The following ZFHX3 variants were observed in gnomAD, a reference collection of about 807,000 sequenced individuals.
ZFHX3 encodes the protein zinc finger homeobox protein 3.
A neutral mutation model predicts 279.1 loss-of-function variants in ZFHX3; 42 were observed. That is an observed-to-expected ratio of 0.15 (90% CI 0.12 to 0.19). ZFHX3 has a LOEUF of 0.19. Ranked by LOEUF, ZFHX3 falls within the 10% of genes least tolerant of loss-of-function variation. The pLI is 1.00. For synonymous variants in ZFHX3, 2,293 were observed against 1,957.8 expected (o/e 1.17, Z -4.52); for missense variants, 4,981 against 4,754.0 (o/e 1.05, Z -1.40).
chr16:72,846,826 G>A (rs988880402), intron 4 of ZFHX3, among the ~76,000 whole-genome samples: 2 of 152,190 alleles, frequency 1.3e-5, no homozygotes, highest in Non-Finnish European at 2.9e-5. Context: ...AGGGGTGGGG[G>A]TAGAGCTGGC....
chr16:72,935,283 G>A (rs577030474), intron 3 of ZFHX3, among the ~76,000 whole-genome samples: 1 of 152,248 alleles, frequency 6.6e-6, no homozygotes, highest in South Asian at 2.1e-4. Context: ...CAAAAATGTG[G>A]TTCTCAGGGC....
At chr16:73,109,198 G>T (rs912483306) in intron 7 of ZFHX3, among the ~76,000 whole-genome samples, 1 of 152,226 alleles carries the variant, frequency 6.6e-6, no homozygotes, top group Admixed American at 6.5e-5. Context: ...TCAAATGTGA[G>T]TGAGTGAATG....
At chr16:72,829,656 T>C in intron 5 of ZFHX3, 123 bp downstream of exon 5, 1 of 1,036,152 alleles carries the variant, frequency 9.7e-7, no homozygotes, top group Non-Finnish European at 1.4e-6. Context: ...ATCCTTTTTC[T>C]GGGCAGACTA....
At chr16:73,094,248 T>C (rs1966129582) in intron 7 of ZFHX3, among the ~76,000 whole-genome samples, 1 of 152,156 alleles carries the variant, frequency 6.6e-6, no homozygotes, top group African/African-American at 2.4e-5. Flanking sequence ...TTCCTGGAAG[T>C]TCACCCAATT....
intron 2 of ZFHX3, among the ~76,000 whole-genome samples, chr16:73,488,373 G>A (rs1444082055): frequency 1.3e-5 from 2 of 152,148 alleles, no homozygotes; most frequent in South Asian, 2.1e-4. Flanking sequence ...GGGTGGGGTA[G>A]GGGTAAAGGA....
At chr16:73,649,614 G>A (rs1032652443) in intron 2 of ZFHX3, among the ~76,000 whole-genome samples, 1 of 152,068 alleles carries the variant, frequency 6.6e-6, no homozygotes, top group African/African-American at 2.4e-5. Flanking sequence ...ACTCGTTTTT[G>A]TTCTACCTAT....
rs1222178171 is a variant in ZFHX3, at chr16:73,386,206, C to CTCTCTCTCTT, written c.-1290-67880_-1290-67871dup. 5.2e-5 allele frequency among the ~76,000 whole-genome samples: 6 copies of CTCTCTCTCTT among 115,696 alleles called. No homozygotes were observed. The South Asian group carries it at 9.3e-4, about 18-fold the overall frequency. 75.9% of individuals were successfully genotyped at this position (115,696 alleles called of 152,430 possible). A position where few individuals can be genotyped will look rare whatever the true frequency, so the allele number is the denominator to read the frequency against. ...TTTCTCTCCCACCGTCTCTGTCTCTCTCTCTCTCTTTCTCTCTCTGTTTAA... is the reference window on the plus strand; with the variant it reads ...TTTCTCTCCCACCGTCTCTGTCTCTCTCTCTCTCTTTCTCTCTCTTTCTCTCTCTGTTTAA... On this transcript the variant is annotated intron_variant, in intron 3 of 17. Transcript: ENST00000641206.
At chr16:73,192,632 T>C (rs992417432) in intron 5 of ZFHX3, among the ~76,000 whole-genome samples, 8 of 152,228 alleles carry the variant, frequency 5.3e-5, no homozygotes, top group Admixed American at 5.2e-4. Flanking sequence ...TCCTCTGTGC[T>C]AGGTCCAAGT....
rs183240942 is a variant in ZFHX3, at chr16:73,844,840, G to A, written c.-1608+46811C>T. Among the ~76,000 whole-genome samples, 143 of 147,950 alleles carry A rather than the reference G, an allele frequency of 9.7e-4. 1 individual carries two copies. In the South Asian group the frequency reaches 0.014, roughly 15 times the overall value. On this transcript the variant is annotated intron_variant, in intron 1 of 17. Transcript: ENST00000641206. ...TAGACAGATGGTAGACGGATGGATG[G>A]GATTGATAGATGGATAGGTAGGTAG...
chr16:73,130,853 C>T, intron 7 of ZFHX3: 3 of 861,290 alleles, frequency 3.5e-6, no homozygotes, highest in South Asian at 3.9e-5. Context: ...GGTGATCCAC[C>T]TGCCTCGGCC....
At chr16:73,412,442 T>C (rs551904274) in intron 3 of ZFHX3, among the ~76,000 whole-genome samples, 100 of 152,202 alleles carry the variant, frequency 6.6e-4, no homozygotes, top group African/African-American at 2.4e-3. Flanking sequence ...GACCAGACCC[T>C]TGCTCAGTTT....
chr16:73,843,432 C>T (rs1273846124), intron 1 of ZFHX3, among the ~76,000 whole-genome samples: 3 of 152,180 alleles, frequency 2.0e-5, no homozygotes, highest in Non-Finnish European at 4.4e-5. Flanking sequence ...AAGCCTTTGC[C>T]ACTGAGGAAA....
chr16:73,082,860 A>G (rs1451786179), intron 8 of ZFHX3, among the ~76,000 whole-genome samples: 3 of 152,082 alleles, frequency 2.0e-5, no homozygotes, highest in Admixed American at 6.6e-5. Context: ...ATGGCCAAAG[A>G]GACACAGGAA....
intron 2 of ZFHX3, among the ~76,000 whole-genome samples, chr16:73,512,835 T>G (rs561916937): frequency 1.3e-5 from 2 of 152,342 alleles, no homozygotes; most frequent in African/African-American, 4.8e-5. Context: ...TGAAACCCAC[T>G]ACCTGACTAT....
At chr16:73,478,312 T>G (rs558583022) in intron 2 of ZFHX3, among the ~76,000 whole-genome samples, 15 of 147,572 alleles carry the variant, frequency 1.0e-4, no homozygotes, top group Non-Finnish European at 1.5e-4. Flanking sequence ...AAAAGCCATA[T>G]GACATGCCTG....
chr16:73,584,225 AG>A (rs2051894552), intron 2 of ZFHX3, among the ~76,000 whole-genome samples: 1 of 152,216 alleles, frequency 6.6e-6, no homozygotes, highest in Non-Finnish European at 1.5e-5. Context: ...AGAAAGAAAG[AG>A]AATGAGGCAG....
rs533261022 is a variant in ZFHX3 at position 72,806,701 on chromosome 16, C to T, written c.3864+4876G>A. On this transcript the variant is annotated intron_variant, in intron 7 of 9. Coordinates refer to ENST00000268489, the MANE Select transcript of ZFHX3 (RefSeq NM_006885.4). ...AAGCATAGAGAGTCACAGACGCTGA[C>T]GGAAAAAAATCACAAGGTTACAAAC... 1.8e-4 allele frequency among the ~76,000 whole-genome samples: 27 copies of T among 151,816 alleles called. No individual in the cohort carries two copies. The South Asian group carries it at 4.6e-3, about 26-fold the overall frequency.
At chr16:73,557,578 C>T (rs932696570) in intron 2 of ZFHX3, among the ~76,000 whole-genome samples, 1 of 152,160 alleles carries the variant, frequency 6.6e-6, no homozygotes, top group Non-Finnish European at 1.5e-5. Flanking sequence ...TATAGGGTAA[C>T]TTCCTGACAT....
chr16:73,739,952 G>C (rs899631779), intron 1 of ZFHX3, among the ~76,000 whole-genome samples: 2 of 152,100 alleles, frequency 1.3e-5, no homozygotes, highest in Non-Finnish European at 2.9e-5. Flanking sequence ...CCAGCCAACT[G>C]TGTGCACTTG....
Sources: gnomAD v4.1 joint callset for allele counts (sites outside exome capture counted in the v4.1 genomes callset) on GRCh38, gnomAD v4.1.1 for gene constraint, MANE v1.5 for transcripts, NCBI Gene and HGNC (gene_info 2026-07-23, HGNC 2026-07-21) for gene names.